The following COL2A1 variants were observed in gnomAD, a reference collection of about 807,000 sequenced individuals.
COL2A1 encodes collagen alpha-1(II) chain.
Under a neutral mutation model 204.5 loss-of-function variants are expected in COL2A1, and 28 were observed. That is an observed-to-expected ratio of 0.14 (90% confidence interval 0.10 to 0.19). COL2A1 has a LOEUF of 0.19. Ranked by LOEUF, COL2A1 falls within the 10% of genes least tolerant of loss-of-function variation. COL2A1 has a pLI of 1.00. For missense variants in COL2A1, 1,388 were observed against 2,027.5 expected, an observed-to-expected ratio of 0.68 and a Z score of 6.06; for synonymous variants, 708 against 718.7, an observed-to-expected ratio of 0.99 and a Z score of 0.24.
intron 23 of COL2A1, 123 bp from the exon 24 acceptor site, chr12:47,986,088 G>T: frequency 1.0e-6 from 1 of 975,616 alleles, no homozygotes; most frequent in Non-Finnish European, 1.6e-6. Context: ...GTGGCCTGCA[G>T]GATTCTCAGA....
chr12:47,975,907 A>C, intron 50 of COL2A1, 56 bp downstream of exon 50: 1 of 1,373,528 alleles, frequency 7.3e-7, no homozygotes, highest in Non-Finnish European at 1.0e-6. Context: ...AAAAGAGCTC[A>C]AGCCTCCCGG....
At chr12:47,979,668 G>T (rs1938929704) in intron 40 of COL2A1, 104 bp from the exon 41 acceptor site, 2 of 919,940 alleles carry the variant, frequency 2.2e-6, no homozygotes, top group Non-Finnish European at 3.5e-6. Flanking sequence ...TATGGAAAGG[G>T]CGAGGGACTG....
chr12:47,995,526 T>A (rs1045593162), intron 10 of COL2A1, among the ~76,000 whole-genome samples, 184 bp downstream of exon 10: 3 of 152,090 alleles, frequency 2.0e-5, no homozygotes, highest in Admixed American at 2.0e-4. Context: ...TCCCTGGTGG[T>A]CCTTGCCACA....
Position 47,973,430 on chromosome 12 carries a change from T to C in COL2A1, c.4441A>G (p.Ile1481Val). 6.2e-7 allele frequency: 1 copy of C among 1,614,148 alleles called. No individual in the cohort carries two copies. ...TTTTACAAGAAGCAGACCGGCCCTA[T>C]GTCCACACCGAATTCCTGCTCGGGC... is the stretch of plus-strand genomic sequence containing the variant. Reference protein sequence around the residue: ...GGPEQEFGVDIGPVCFL With the variant: ...GGPEQEFGVDVGPVCFL The change falls in exon 54 of 54, where the codon ATA (isoleucine) becomes GTA (valine). Residue 1481 changes from isoleucine to valine, a missense_variant. Around this residue, in one of 3 missense-constraint regions of COL2A1, gnomAD observed 303 missense variants for 369.2 expected, o/e 0.82. Coordinates refer to ENST00000380518, the MANE Select transcript of COL2A1 (RefSeq NM_001844.5).
intron 36 of COL2A1, 127 bp downstream of exon 36, chr12:47,981,649 C>T (rs2136543507): frequency 1.7e-6 from 2 of 1,179,510 alleles, no homozygotes; most frequent in East Asian, 2.6e-5. Context: ...GCCCCCTCTT[C>T]ACTCCTACGG....
Position 47,974,769 on chromosome 12 carries a change from T to C in COL2A1, c.3980A>G (p.Asn1327Ser), listed in dbSNP as rs1265043208. Residue 1327 changes from asparagine (N) to serine (S), a missense_variant, in exon 52 of 54, where the codon AAT becomes AGT. By Grantham distance (46) the Asn-to-Ser change is conservative. Around this residue, in one of 3 missense-constraint regions of COL2A1, gnomAD observed 303 missense variants for 369.2 expected, o/e 0.82. Transcript: ENST00000380518. ...METGETCVYP[N>S]PANVPKKNWW... ...GTTCTTCTTGGGAACGTTTGCTGGA[T>C]TGGGGTAGACGCAAGTCTCGCCAGT... 12 of 1,614,076 alleles carry C rather than the reference T, an allele frequency of 7.4e-6. No homozygotes were observed. In the Admixed American group the frequency reaches 8.3e-5, roughly 11 times the overall value.
rs533540496 is a variant in COL2A1, at chr12:47,978,673, C to G, written c.2819G>C (p.Arg940Pro). 7 of 1,613,208 alleles carry G rather than the reference C, an allele frequency of 4.3e-6. No homozygotes were observed. Among genetic ancestry groups the G allele is most frequent in the Non-Finnish European group, 5.9e-6 (7 of 1,179,988 alleles). The change falls in exon 42 of 54, where the codon CGA (arginine) becomes CCA (proline). Residue 940 changes from arginine to proline, a missense_variant. Physicochemically the swap from Arg to Pro is moderately radical, Grantham distance 103. Around this residue, in one of 3 missense-constraint regions of COL2A1, gnomAD observed 884 missense variants for 1,415.8 expected, o/e 0.62. Transcript: ENST00000380518. The surrounding 1 kb of genome is among the most constrained non-coding windows in gnomAD (Gnocchi z 5.5). Reference protein sequence around the residue: ...GARGDSGPPGRAGEPGLQGPA... With the variant: ...GARGDSGPPGPAGEPGLQGPA... The stretch of plus-strand genomic sequence containing the variant: ...ACCTTGGAGGCCGGGTTCACCAGCT[C>G]GGCCAGGGGGGCCGCTGTCTCCTCG...
rs771399441 is a variant in COL2A1, at chr12:47,974,291, T to C, written c.4115A>G (p.Asn1372Ser). The change falls in exon 53 of 54, where the codon AAC (asparagine) becomes AGC (serine). Residue 1372 changes from asparagine (N) to serine (S), a missense_variant. Asn to Ser is a conservative substitution (Grantham distance 46). Around this residue, in one of 3 missense-constraint regions of COL2A1, gnomAD observed 303 missense variants for 369.2 expected, o/e 0.82. Coordinates refer to ENST00000380518, the MANE Select transcript of COL2A1 (RefSeq NM_001844.5). ...CAGGCGTAGGAAGGTCATCTGGACGTTGGCAGTGTTGGGAGCCAGATTGTC... is the reference window on the plus strand; with the variant it reads ...CAGGCGTAGGAAGGTCATCTGGACGCTGGCAGTGTTGGGAGCCAGATTGTC... ...GDDNLAPNTA[N>S]VQMTFLRLLS... 7 of 1,614,168 alleles carry C rather than the reference T, an allele frequency of 4.3e-6. No individual in the cohort carries two copies. The African/African-American group carries it at 6.7e-5, about 15-fold the overall frequency.
Position 47,998,218 on chromosome 12 carries a change from T to C in COL2A1, c.310-17A>G, listed in dbSNP as rs561118584. The C allele has an allele frequency of 6.2e-6, 10 of 1,614,082 alleles. No individual in the cohort carries two copies. In the South Asian group the frequency reaches 8.8e-5, roughly 14 times the overall value. ...TTTCTGTCCCTGAAACATGAAACAT[T>C]CACAGGATTAAGCCGAGTAAGCCCA... is the stretch of plus-strand genomic sequence containing the variant. On this transcript the variant is annotated splice_polypyrimidine_tract_variant and intron_variant, in intron 3 of 53. Transcript: ENST00000380518.
rs1378655228 is a variant in COL2A1 at position 47,987,202 on chromosome 12, G to A, written c.1267-26C>T. 1 of 1,613,302 alleles carries A rather than the reference G, an allele frequency of 6.2e-7. No individual in the cohort carries two copies. The highest frequency in any genetic ancestry group is 8.5e-7 in the Non-Finnish European group (1 of 1,179,366). ...CTGTGGGCATGAGAAGAAGGGAGGG[G>A]TGTCAGGAGAGGGGAGAGGCAGGAC... On this transcript the variant is annotated intron_variant, in intron 20 of 53. Coordinates refer to ENST00000380518, the MANE Select transcript of COL2A1 (RefSeq NM_001844.5). This position sits in a 1 kb window ranked among gnomAD's most constrained non-coding sequence, Gnocchi z 4.1.
chr12:47,993,914 A>G, intron 13 of COL2A1, 52 bp from the exon 14 acceptor site: 1 of 1,613,538 alleles, frequency 6.2e-7, no homozygotes. Flanking sequence ...CCCAAGTTGG[A>G]AGAAATGCAC....
intron 53 of COL2A1, among the ~76,000 whole-genome samples, chr12:47,973,759 C>G (rs1938551780): frequency 6.6e-6 from 1 of 152,118 alleles, no homozygotes; most frequent in Admixed American, 6.5e-5. Context: ...CCCTTCTCCA[C>G]CCTGCCCTTC....
In COL2A1 at chr12:47,977,142, G is replaced by T. The variant is rs377708131; in HGVS notation, c.3287C>A (p.Pro1096His). 3 of 1,610,746 alleles carry T rather than the reference G, an allele frequency of 1.9e-6. No individual in the cohort carries two copies. The highest frequency in any genetic ancestry group is 2.2e-5 in the South Asian group (2 of 90,076). Residue 1096 changes from proline to histidine, a missense_variant, in exon 47 of 54, where the codon CCC (proline) becomes CAC (histidine). By Grantham distance (77) the Pro-to-His change is moderately conservative (BLOSUM62 -2). This residue lies in a region of COL2A1 where 884 missense variants were observed against 1,415.8 expected (regional missense o/e 0.62). Coordinates refer to ENST00000380518, the MANE Select transcript of COL2A1 (RefSeq NM_001844.5). Reference protein sequence around the residue: ...GDRGEAGAQGPMGPSGPAGAR... With the variant: ...GDRGEAGAQGHMGPSGPAGAR... ...TCCAGCTGGTCCTGAGGGTCCCATG[G>T]GGCCTTGTGCACCCTGAGGAGAGAG...
rs12721425 is a variant in COL2A1, at chr12:47,974,345, G to A, written c.4075-14C>T. On this transcript the variant is annotated splice_polypyrimidine_tract_variant and intron_variant, in intron 52 of 53. Coordinates refer to ENST00000380518, the MANE Select transcript of COL2A1 (RefSeq NM_001844.5). ...TCCATAGCTGAACTGTTGGGGCAGA[G>A]AGCGGCAGTGTGAGGCCTGGGAGCT... 5 of 1,613,352 alleles carry A rather than the reference G, an allele frequency of 3.1e-6. No individual in the cohort carries two copies. The highest frequency in any genetic ancestry group is 2.7e-5 in the African/African-American group (2 of 75,024).
Position 47,976,725 on chromosome 12 carries a change from C to A in COL2A1, c.3435+87G>T, listed in dbSNP as rs1938725365. On this transcript the variant is annotated intron_variant, in intron 48 of 53. Coordinates refer to ENST00000380518, the MANE Select transcript of COL2A1 (RefSeq NM_001844.5). This position sits in a 1 kb window ranked among gnomAD's most constrained non-coding sequence, Gnocchi z 4.3. ...ATCCTAGAAACTGCTTAGGGTGATC[C>A]CAAGCTGTCCTGGCAGCACAGGGAG... The A allele has an allele frequency of 1.4e-6, 2 of 1,426,638 alleles. No homozygotes were observed. The highest frequency in any genetic ancestry group is 2.8e-5 in the African/African-American group (2 of 71,050). The allele number at this position is 1,426,638 out of a possible 1,614,324, so 88.4% of individuals were successfully genotyped here.
intron 1 of COL2A1, among the ~76,000 whole-genome samples, chr12:48,001,259 G>GT (rs1940218872): frequency 3.4e-5 from 2 of 59,322 alleles, no homozygotes; most frequent in Non-Finnish European, 1.0e-4. Context: ...AACCCAGAGG[G>GT]CGAGAAAGAA....
intron 1 of COL2A1, among the ~76,000 whole-genome samples, chr12:48,003,251 G>A (rs1291181704): frequency 6.6e-6 from 1 of 152,054 alleles, no homozygotes; most frequent in Non-Finnish European, 1.5e-5. Context: ...TAACTATACC[G>A]GTTGAAATAG....
Position 47,973,514 on chromosome 12 carries a change from G to A in COL2A1, c.4357C>T (p.Arg1453Trp), listed in dbSNP as rs776306214. Residue 1453 changes from arginine (R) to tryptophan (W), a missense_variant, in exon 54 of 54, where the codon CGG becomes TGG. Around this residue, in one of 3 missense-constraint regions of COL2A1, gnomAD observed 303 missense variants for 369.2 expected, o/e 0.82. Transcript: ENST00000380518. ...GKWGKTVIEY[R>W]SQKTSRLPII... Reference sequence around the variant, plus strand: ...GGGAGGCGTGAGGTCTTCTGTGACCGGTACTCGATAACAGTCTTGCCCCAC... The same window carrying A: ...GGGAGGCGTGAGGTCTTCTGTGACCAGTACTCGATAACAGTCTTGCCCCAC... 1.2e-5 allele frequency: 19 copies of A among 1,613,962 alleles called. No individual in the cohort carries two copies. Among genetic ancestry groups the A allele is most frequent in the East Asian group, 8.9e-5 (4 of 44,886 alleles).
At chr12:47,974,359 G>A (rs375154162) in intron 52 of COL2A1, 28 bp from the exon 53 acceptor site, 6 of 1,612,228 alleles carry the variant, frequency 3.7e-6, no homozygotes, top group Non-Finnish European at 4.2e-6. Flanking sequence ...GGCAGTGTGA[G>A]GCCTGGGAGC....
Sources: allele counts gnomAD v4.1 joint callset (sites outside exome capture counted in the v4.1 genomes callset), GRCh38; gene constraint gnomAD v4.1.1; regional missense constraint gnomAD v4.1.1; non-coding constraint Gnocchi (gnomAD v3.1); transcripts MANE v1.5; gene names NCBI Gene and HGNC (gene_info 2026-07-23, HGNC 2026-07-21).